Variants in UGT8 observed in about 807,000 individuals in gnomAD.
The protein encoded by UGT8 is UDP glycosyltransferase 8, also known as 2-hydroxyacylsphingosine 1-beta-galactosyltransferase.
Under a neutral mutation model 40.5 loss-of-function variants are expected in UGT8, and 12 were observed. That is an observed-to-expected ratio of 0.30 (90% CI 0.19 to 0.48). The LOEUF is 0.48. UGT8 is among the 20% of genes least tolerant of loss of function. UGT8 has a pLI of 0.99. For synonymous variants in UGT8, 224 were observed against 240.4 expected, an observed-to-expected ratio of 0.93 and a Z score of 0.63; for missense variants, 513 against 648.7, an observed-to-expected ratio of 0.79 and a Z score of 2.27.
intron 1 of UGT8, among the ~76,000 whole-genome samples, chr4:114,620,882 A>G (rs1731742368): frequency 6.6e-6 from 1 of 152,166 alleles, no homozygotes; most frequent in Non-Finnish European, 1.5e-5. Context: ...AGGAGGGTTA[A>G]TGTATTCTAA....
At chr4:114,600,247 G>T in intron 1 of UGT8, among the ~76,000 whole-genome samples, 1 of 151,206 alleles carries the variant, frequency 6.6e-6, no homozygotes, top group South Asian at 2.2e-4. Context: ...GATCCTATTG[G>T]TAAAAATTAG....
chr4:114,628,574 G>T (rs10018191), intron 2 of UGT8, among the ~76,000 whole-genome samples: 1 of 151,376 alleles, frequency 6.6e-6, no homozygotes, highest in African/African-American at 2.4e-5. Context: ...ATAAACAGGG[G>T]CAGTGCTGAA....
intron 1 of UGT8, among the ~76,000 whole-genome samples, chr4:114,603,774 A>G (rs879542910): frequency 6.6e-6 from 1 of 152,160 alleles, no homozygotes; most frequent in African/African-American, 2.4e-5. Flanking sequence ...ATGAGATAAA[A>G]TCTATCAAGC....
intron 2 of UGT8, among the ~76,000 whole-genome samples, chr4:114,637,813 G>T (rs917532472): frequency 6.6e-6 from 1 of 152,210 alleles, no homozygotes; most frequent in African/African-American, 2.4e-5. Flanking sequence ...TTTGAGGCAG[G>T]CATGCTGAAA....
chr4:114,636,987 T>C lies in UGT8; in HGVS notation c.822+13285T>C, dbSNP rs369616971. On this transcript the variant is annotated intron_variant, in intron 2 of 5. Transcript: ENST00000310836. The stretch of plus-strand genomic sequence containing the variant: ...AATGGCTGATAGCAATTTAACATAT[T>C]ACCTTTCAAGCAGTAGTGAATATTT... 3.0e-4 allele frequency among the ~76,000 whole-genome samples: 46 copies of C among 152,326 alleles called. 4 individuals carry two copies. Among genetic ancestry groups the C allele is most frequent in the East Asian group, 1.9e-3 (10 of 5,182 alleles).
chr4:114,642,391 T>C (rs1249899357), intron 2 of UGT8, among the ~76,000 whole-genome samples: 1 of 152,154 alleles, frequency 6.6e-6, no homozygotes, highest in Non-Finnish European at 1.5e-5. Context: ...CAATGAGCAG[T>C]AGGTATTACT....
At chr4:114,606,499 C>A (rs1227776042) in intron 1 of UGT8, among the ~76,000 whole-genome samples, 1 of 152,156 alleles carries the variant, frequency 6.6e-6, no homozygotes, top group Non-Finnish European at 1.5e-5. Context: ...CCAAGCCAAT[C>A]TGGGGAGTAG....
intron 1 of UGT8, among the ~76,000 whole-genome samples, chr4:114,618,995 T>A (rs1731607385): frequency 6.6e-6 from 1 of 152,126 alleles, no homozygotes; most frequent in South Asian, 2.1e-4. Context: ...CTAATTCCAG[T>A]TTTTAATTAT....
chr4:114,606,957 C>T (rs2126085536), intron 1 of UGT8, among the ~76,000 whole-genome samples: 1 of 152,240 alleles, frequency 6.6e-6, no homozygotes, highest in Middle Eastern at 3.4e-3. Flanking sequence ...CTTGCCAGGG[C>T]AGGGCTGAAG....
At chr4:114,620,649 T>C (rs1298447052) in intron 1 of UGT8, among the ~76,000 whole-genome samples, 3 of 152,228 alleles carry the variant, frequency 2.0e-5, no homozygotes, top group Non-Finnish European at 4.4e-5. Context: ...TACTTTTACT[T>C]ATTCTTAATG....
At chr4:114,628,968 T>C (rs1249807145) in intron 2 of UGT8, among the ~76,000 whole-genome samples, 7 of 151,480 alleles carry the variant, frequency 4.6e-5, no homozygotes, top group Non-Finnish European at 1.0e-4. Flanking sequence ...TTTCCATACT[T>C]GGTATTCCTG....
chr4:114,641,070 A>G (rs1488506592), intron 2 of UGT8, among the ~76,000 whole-genome samples: 1 of 152,230 alleles, frequency 6.6e-6, no homozygotes, highest in Admixed American at 6.5e-5. Flanking sequence ...TGTGTTCAAA[A>G]AAAGCTGGCA....
intron 2 of UGT8, among the ~76,000 whole-genome samples, chr4:114,641,315 C>T (rs1191338576): frequency 1.3e-5 from 2 of 152,086 alleles, no homozygotes; most frequent in Admixed American, 6.6e-5. Context: ...ATCTGTTCCT[C>T]TTTGTTCAGT....
intron 2 of UGT8, among the ~76,000 whole-genome samples, chr4:114,626,817 T>G (rs192614640): frequency 2.6e-5 from 4 of 152,338 alleles, no homozygotes; most frequent in African/African-American, 9.6e-5. Flanking sequence ...GAGACAGCAG[T>G]TTTTTGAATC....
At chr4:114,661,139 T>C (rs961708301) in intron 2 of UGT8, among the ~76,000 whole-genome samples, 2 of 152,200 alleles carry the variant, frequency 1.3e-5, no homozygotes, top group African/African-American at 4.8e-5. Context: ...TAGGTCTTTA[T>C]GAATTTTGTT....
At chr4:114,604,157 A>T (rs1264856451) in intron 1 of UGT8, among the ~76,000 whole-genome samples, 1 of 152,154 alleles carries the variant, frequency 6.6e-6, no homozygotes, top group Non-Finnish European at 1.5e-5. Context: ...CATTGTGTTT[A>T]AAAAGCACCT....
chr4:114,678,137 A>C lies in UGT8; in HGVS notation c.*1849A>C, dbSNP rs542312025. On this transcript the variant is annotated 3_prime_UTR_variant, in exon 6 of 6. Coordinates refer to ENST00000310836, the MANE Select transcript of UGT8 (RefSeq NM_001128174.3). Reference sequence around the variant, plus strand: ...ATTTTACTTTTTTGGAATTTGATTAAGTTGACAGTAGGCACTGATTGGATG... The same window carrying C: ...ATTTTACTTTTTTGGAATTTGATTACGTTGACAGTAGGCACTGATTGGATG... 6.6e-6 allele frequency: 1 copy of C among 152,346 alleles called. No individual in the cohort carries two copies. The highest frequency in any genetic ancestry group is 2.1e-4 in the South Asian group (1 of 4,826). The allele number at this position is 152,346 out of a possible 1,614,324, so 9.4% of individuals were successfully genotyped here. A position where few individuals can be genotyped will look rare whatever the true frequency, so the allele number is the denominator to read the frequency against.
rs867154351 is a variant in UGT8, at chr4:114,613,360, A to C, written c.-2-9519A>C. ...ATGCTTTTCTAACATACTACTTCAA[A>C]TTAGTTTAGAATTTAATTAATTAAG... is the stretch of plus-strand genomic sequence containing the variant. On this transcript the variant is annotated intron_variant, in intron 1 of 5. Transcript: ENST00000310836. 8.0e-4 allele frequency among the ~76,000 whole-genome samples: 122 copies of C among 152,272 alleles called. 2 individuals are homozygous for C. Among genetic ancestry groups the C allele is most frequent in the African/African-American group, 2.7e-3 (114 of 41,570 alleles).
In UGT8 at chr4:114,656,697, T is replaced by C. The variant is rs138374049; in HGVS notation, c.823-7298T>C. The C allele has an allele frequency of 3.0e-3, 1,323 of 446,888 alleles. 17 individuals are homozygous for C. The highest frequency in any genetic ancestry group is 0.024 in the African/African-American group (1,174 of 48,516). 27.7% of individuals were successfully genotyped at this position (446,888 alleles called of 1,614,324 possible). A position where few individuals can be genotyped will look rare whatever the true frequency, so the allele number is the denominator to read the frequency against. ...GAACAATAGAGGAGATACTTTGTTG[T>C]GATCTTGGTAAATAACTGTGACCTG... On this transcript the variant is annotated intron_variant, in intron 2 of 5. Coordinates refer to ENST00000310836, the MANE Select transcript of UGT8 (RefSeq NM_001128174.3).
Sources: gnomAD v4.1 joint callset for allele counts (sites outside exome capture counted in the v4.1 genomes callset) on GRCh38, gnomAD v4.1.1 for gene constraint, MANE v1.5 for transcripts, NCBI Gene and HGNC (gene_info 2026-07-23, HGNC 2026-07-21) for gene names.